The following N4BP2L2 variants were observed in gnomAD, a reference collection of about 807,000 sequenced individuals.
The protein encoded by N4BP2L2 is NEDD4 binding protein 2 like 2.
N4BP2L2 carries 50 observed loss-of-function variants against 56.2 expected under a neutral mutation model. The ratio of observed to expected loss-of-function variants is 0.89; its 90% CI spans 0.71 to 1.13. The LOEUF (loss-of-function observed/expected upper bound fraction) is 1.13, where lower values mean the gene tolerates loss of function less well. N4BP2L2 is among the 50% of genes most tolerant of loss of function. The pLI is 0.00. For synonymous variants in N4BP2L2, 203 were observed against 223.6 expected, an observed-to-expected ratio of 0.91 and a Z score of 0.82; for missense variants, 689 against 693.8, an observed-to-expected ratio of 0.99 and a Z score of 0.08.
intron 5 of N4BP2L2, among the ~76,000 whole-genome samples, chr13:32,520,321 G>A (rs542091625): frequency 2.0e-5 from 3 of 151,812 alleles, no homozygotes; most frequent in South Asian, 2.1e-4. Flanking sequence ...ACCTAAAAAC[G>A]GGTGGGAAGG....
chr13:32,537,106 T>C, intron 1 of N4BP2L2, 79 bp from the exon 2 acceptor site: 1 of 1,003,562 alleles, frequency 1.0e-6, no homozygotes, highest in East Asian at 2.9e-5. Flanking sequence ...AACAAGAAAT[T>C]AGACAAAGAC....
chr13:32,533,861 T>C (rs762120527), intron 2 of N4BP2L2, among the ~76,000 whole-genome samples: 18 of 152,200 alleles, frequency 1.2e-4, no homozygotes, highest in African/African-American at 1.9e-4. Context: ...CCAAAGAATA[T>C]ATGACTTTAT....
intron 3 of N4BP2L2, chr13:32,524,013 G>T (rs1594060656): frequency 6.6e-6 from 1 of 152,196 alleles, no homozygotes; most frequent in Non-Finnish European, 1.5e-5. Context: ...TCAGGAGTTA[G>T]AATTCAAACC....
At chr13:32,441,044 A>C (rs556745367) in intron 7 of N4BP2L2, among the ~76,000 whole-genome samples, 1 of 151,804 alleles carries the variant, frequency 6.6e-6, no homozygotes, top group Admixed American at 6.6e-5. Context: ...TAGTAGAGGC[A>C]TGTTTTCGTC....
chr13:32,479,280 T>C (rs781372226), intron 6 of N4BP2L2, among the ~76,000 whole-genome samples: 8 of 152,136 alleles, frequency 5.3e-5, no homozygotes, highest in Non-Finnish European at 1.2e-4. Context: ...ATTTATTTAT[T>C]TTTTGAGATG....
intron 6 of N4BP2L2, among the ~76,000 whole-genome samples, chr13:32,470,530 G>A (rs2082103404): frequency 6.6e-6 from 1 of 152,218 alleles, no homozygotes; most frequent in South Asian, 2.1e-4. Flanking sequence ...AATGCATGAG[G>A]CACTTGGGAG....
intron 6 of N4BP2L2, among the ~76,000 whole-genome samples, chr13:32,457,141 A>AAAC (rs936256928): frequency 3.0e-4 from 46 of 152,294 alleles, no homozygotes; most frequent in African/African-American, 9.9e-4. Flanking sequence ...TCCATCTCAA[A>AAAC]AACAACAACA....
chr13:32,473,899 C>T (rs961037591), intron 6 of N4BP2L2, among the ~76,000 whole-genome samples: 1 of 152,186 alleles, frequency 6.6e-6, no homozygotes, highest in African/African-American at 2.4e-5. Flanking sequence ...CTTAATTCCC[C>T]TTTGCCATGT....
chr13:32,467,090 C>T (rs1280766113), intron 6 of N4BP2L2, among the ~76,000 whole-genome samples: 1 of 152,054 alleles, frequency 6.6e-6, no homozygotes, highest in South Asian at 2.1e-4. Flanking sequence ...TATAAAATGG[C>T]CATTCTCATA....
exon 6 of N4BP2L2, chr13:32,517,431 A>T (rs1383314586): frequency 9.0e-6 from 9 of 997,962 alleles, no homozygotes; most frequent in South Asian, 4.3e-5. Flanking sequence ...GAAAAACCGT[A>T]AAGTTTTATG....
intron 2 of N4BP2L2, among the ~76,000 whole-genome samples, chr13:32,534,951 T>G (rs575217113): frequency 1.3e-5 from 2 of 152,300 alleles, no homozygotes; most frequent in South Asian, 4.1e-4. Flanking sequence ...AAAAAGGAAT[T>G]TGAAATATCT....
chr13:32,494,888 AAC>A (rs1336827399), intron 6 of N4BP2L2, among the ~76,000 whole-genome samples: 4 of 151,284 alleles, frequency 2.6e-5, no homozygotes, highest in African/African-American at 9.7e-5. Flanking sequence ...CCAAAACCTC[AAC>A]AAAGTCCCTT....
chr13:32,477,813 T>C, intron 6 of N4BP2L2: 1 of 1,228,390 alleles, frequency 8.1e-7, no homozygotes, highest in South Asian at 1.3e-5. Flanking sequence ...AGCTGAGAAA[T>C]ACTCAGCGGA....
chr13:32,444,510 G>A (rs1397087544), intron 6 of N4BP2L2, among the ~76,000 whole-genome samples: 3 of 152,016 alleles, frequency 2.0e-5, no homozygotes, highest in African/African-American at 4.8e-5. Context: ...CAGGTGATCC[G>A]CCTGCCTCAG....
intron 6 of N4BP2L2, among the ~76,000 whole-genome samples, chr13:32,450,210 A>G (rs2077700085): frequency 6.6e-6 from 1 of 152,262 alleles, no homozygotes; most frequent in South Asian, 2.1e-4. Context: ...TAACTTTGAA[A>G]TTAGTAACAA....
upstream of N4BP2L2, chr13:32,538,786 G>A: frequency 1.0e-6 from 1 of 985,414 alleles, no homozygotes; most frequent in Middle Eastern, 5.2e-4. Context: ...ACCTCCGTAC[G>A]CAAGATGGCG....
intron 6 of N4BP2L2, among the ~76,000 whole-genome samples, chr13:32,477,075 C>A (rs1292306734): frequency 6.6e-6 from 1 of 152,124 alleles, no homozygotes; most frequent in Non-Finnish European, 1.5e-5. Context: ...GCACTTGTGC[C>A]AGGGAGCTCT....
At chr13:32,492,807 T>C (rs1404588735) in intron 6 of N4BP2L2, among the ~76,000 whole-genome samples, 1 of 151,768 alleles carries the variant, frequency 6.6e-6, no homozygotes, top group African/African-American at 2.4e-5. Flanking sequence ...GTATCAAAAG[T>C]ACAAATTAAA....
intron 6 of N4BP2L2, among the ~76,000 whole-genome samples, chr13:32,501,539 G>T (rs139645291): frequency 0.033 from 5,040 of 152,190 alleles, 140 homozygotes; most frequent in Non-Finnish European, 0.047. Context: ...TATCGGCCGG[G>T]TGCGGTGGCT....
Sources: gnomAD v4.1 joint callset for allele counts (sites outside exome capture counted in the v4.1 genomes callset) on GRCh38, gnomAD v4.1.1 for gene constraint, MANE v1.5 for transcripts, NCBI Gene and HGNC (gene_info 2026-07-23, HGNC 2026-07-21) for gene names.